Variants in PDXDC1 observed in about 807,000 individuals in gnomAD.
PDXDC1 encodes the protein pyridoxal dependent decarboxylase domain containing 1, also known as pyridoxal-dependent decarboxylase domain-containing protein 1.
A neutral mutation model predicts 100.1 loss-of-function variants in PDXDC1; 42 were observed. That is an observed-to-expected ratio of 0.42 (90% CI 0.33 to 0.54). The LOEUF is 0.54. PDXDC1 is among the 20% of genes least tolerant of loss of function. PDXDC1 has a pLI of 0.10. For missense variants in PDXDC1, 636 were observed against 979.2 expected (o/e 0.65, Z 4.68); for synonymous variants, 260 against 371.7 (o/e 0.70, Z 3.46).
chr16:15,060,345 A>G, intron 16 of PDXDC1: 1 of 202,822 alleles, frequency 4.9e-6, no homozygotes, highest in Non-Finnish European at 1.0e-5. Context: ...CATATCCAAA[A>G]CTTTAAAGCA....
chr16:14,990,049 A>G, intron 1 of PDXDC1: 1 of 1,488,184 alleles, frequency 6.7e-7, no homozygotes, highest in Non-Finnish European at 8.9e-7. Flanking sequence ...TGCGCGCCGG[A>G]CCCCCCAAAC....
In PDXDC1 at chr16:15,061,394, C is replaced by T. The variant is rs565762907; in HGVS notation, c.1399+31338C>T. The T allele has an allele frequency of 1.2e-4, 28 of 241,576 alleles. No individual in the cohort carries two copies. The East Asian group carries it at 1.3e-3, about 11-fold the overall frequency. 15.0% of individuals were successfully genotyped at this position (241,576 alleles called of 1,614,324 possible). ...ACAAAAACCCATGTTAAAACAGCAA[C>T]CCGTAAAACAGTCTGCTGCCTATAT... is the stretch of plus-strand genomic sequence containing the variant. On this transcript the variant is annotated intron_variant, in intron 16 of 16. Transcript: ENST00000535621.
chr16:15,122,692 A>G (rs1426331417), intron 16 of PDXDC1, among the ~76,000 whole-genome samples: 3 of 150,606 alleles, frequency 2.0e-5, no homozygotes, highest in East Asian at 3.9e-4. Flanking sequence ...AGAGAAGCCA[A>G]AAGAGCAGCC....
At chr16:15,095,261 G>A (rs1433377328) in intron 16 of PDXDC1, among the ~76,000 whole-genome samples, 1 of 152,152 alleles carries the variant, frequency 6.6e-6, no homozygotes, top group Non-Finnish European at 1.5e-5. Context: ...GATGTAGAGG[G>A]AGAGCAGGGG....
intron 16 of PDXDC1, among the ~76,000 whole-genome samples, chr16:15,056,655 C>T (rs1482977184): frequency 3.3e-5 from 5 of 151,978 alleles, no homozygotes; most frequent in African/African-American, 2.4e-5. Context: ...TAACTGGGCA[C>T]GGTGGCATGC....
At chr16:15,141,388 C>A (rs1177324176), downstream of PDXDC1, among the ~76,000 whole-genome samples, 1 of 152,248 alleles carries the variant, frequency 6.6e-6, no homozygotes, top group Non-Finnish European at 1.5e-5. Context: ...GACGGTGGAG[C>A]CGAGCCCTCA....
chr16:15,038,475 AG>A, downstream of PDXDC1: 1 of 719,784 alleles, frequency 1.4e-6, no homozygotes, highest in Non-Finnish European at 2.4e-6. Flanking sequence ...TACCCGCCAA[AG>A]GGAAAGCAGC....
downstream of PDXDC1, among the ~76,000 whole-genome samples, chr16:15,140,013 C>T (rs1055278918): frequency 7.4e-6 from 1 of 135,618 alleles, no homozygotes; most frequent in Admixed American, 8.8e-5. Context: ...AGGAGAATCA[C>T]GTGAACCCGG....
chr16:15,127,119 C>T (rs2047777723), intron 16 of PDXDC1: 1 of 361,348 alleles, frequency 2.8e-6, no homozygotes, highest in Non-Finnish European at 5.4e-6. Context: ...GGGACTAACT[C>T]GGCCTCTTCA....
At chr16:15,099,328 G>C (rs1157535660) in intron 16 of PDXDC1, among the ~76,000 whole-genome samples, 3 of 146,792 alleles carry the variant, frequency 2.0e-5, no homozygotes, top group Non-Finnish European at 4.5e-5. Context: ...GCTGAGGCTG[G>C]AGAATTGCTT....
rs148084713 is a variant in PDXDC1 at position 15,102,017 on chromosome 16, T to C, written c.1400-36862T>C. Among the ~76,000 whole-genome samples the C allele has an allele frequency of 2.9e-3, 447 of 151,776 alleles. 3 individuals carry two copies. Among genetic ancestry groups the C allele is most frequent in the African/African-American group, 9.9e-3 (411 of 41,404 alleles). On this transcript the variant is annotated intron_variant, in intron 16 of 16. Transcript: ENST00000535621. ...GTGCGTGCCACCATGCCTGGCTAAT[T>C]TTGTATTTTTGGTAGAGACAGGGTT...
rs556542951 is a variant in PDXDC1, at chr16:15,000,184, CA to C, written c.162-1591del. ...TCTCCTAATTCCACGGAAGTTTTCC[CA>C]GGGGAGATACTCCCAGCAGCATCTG... On this transcript the variant is annotated intron_variant, in intron 3 of 22. Coordinates refer to ENST00000396410, the MANE Select transcript of PDXDC1 (RefSeq NM_015027.4). Among the ~76,000 whole-genome samples, 49 of 152,396 alleles carry C rather than the reference CA, an allele frequency of 3.2e-4. No homozygotes were observed. The East Asian group carries it at 9.3e-3, about 29-fold the overall frequency.
chr16:15,131,647 G>C, intron 16 of PDXDC1: 1 of 1,585,340 alleles, frequency 6.3e-7, no homozygotes, highest in South Asian at 1.1e-5. Flanking sequence ...TGGTGACTCG[G>C]CTCCCAGCTC....
chr16:15,009,109 T>C (rs1329116944), intron 7 of PDXDC1, among the ~76,000 whole-genome samples: 2 of 152,292 alleles, frequency 1.3e-5, no homozygotes, highest in Admixed American at 1.3e-4. Context: ...GCAGCTCAAT[T>C]AAGCACCAGA....
intron 19 of PDXDC1, among the ~76,000 whole-genome samples, chr16:15,033,831 G>A (rs1012665376): frequency 6.6e-6 from 1 of 152,150 alleles, no homozygotes; most frequent in Admixed American, 6.5e-5. Flanking sequence ...CTACTGCTGT[G>A]GGTCCCTTAG....
chr16:15,029,100 G>C, intron 15 of PDXDC1, 134 bp downstream of exon 15: 1 of 1,031,802 alleles, frequency 9.7e-7, no homozygotes, highest in Non-Finnish European at 1.4e-6. Context: ...TGCTGGGCCT[G>C]CTCTGGAGTT....
At chr16:15,150,457 G>A in the PDXDC1 span, among the ~76,000 whole-genome samples, 2 of 151,406 alleles carry the variant, frequency 1.3e-5, no homozygotes, top group Non-Finnish European at 3.0e-5. Flanking sequence ...CTAAGGCCAA[G>A]AGTTCAAGAC....
intron 1 of PDXDC1, among the ~76,000 whole-genome samples, chr16:14,991,955 A>G (rs554834628): frequency 2.0e-5 from 3 of 152,412 alleles, no homozygotes; most frequent in East Asian, 3.9e-4. Context: ...TAATATGACA[A>G]TTGGAGAATT....
chr16:14,986,223 A>G (rs2151211988), intron 1 of PDXDC1, among the ~76,000 whole-genome samples: 1 of 152,426 alleles, frequency 6.6e-6, no homozygotes, highest in East Asian at 1.9e-4. Context: ...CTGTAATCCC[A>G]GCACTTTGGG....
Sources: gnomAD v4.1 joint callset for allele counts (sites outside exome capture counted in the v4.1 genomes callset) on GRCh38, gnomAD v4.1.1 for gene constraint, MANE v1.5 for transcripts, NCBI Gene and HGNC (gene_info 2026-07-23, HGNC 2026-07-21) for gene names.